Variants in ZCCHC14 observed in about 807,000 individuals in gnomAD.
ZCCHC14 encodes the protein zinc finger CCHC domain-containing protein 14.
In ZCCHC14, 16 loss-of-function variants were observed where a neutral mutation model predicts 85.0. That is an observed-to-expected ratio of 0.19 (90% CI 0.13 to 0.29). The LOEUF is 0.29. Among genes scored for constraint, ZCCHC14 ranks in the 10% least tolerant of loss-of-function variants. The pLI is 1.00. For missense variants in ZCCHC14, 1,303 were observed against 1,443.5 expected, an observed-to-expected ratio of 0.90 and a Z score of 1.58; for synonymous variants, 775 against 630.7, an observed-to-expected ratio of 1.23 and a Z score of -3.43.
At chr16:87,450,461 T>G (rs564066208) in intron 2 of ZCCHC14, among the ~76,000 whole-genome samples, 2 of 152,366 alleles carry the variant, frequency 1.3e-5, no homozygotes, top group Admixed American at 1.3e-4. Context: ...TATTTTTCTT[T>G]GGTTTTTTAT....
intron 2 of ZCCHC14, among the ~76,000 whole-genome samples, chr16:87,444,774 G>A (rs1910353463): frequency 6.6e-6 from 1 of 152,192 alleles, no homozygotes. Flanking sequence ...AGCTACTGAA[G>A]GATACAAAGG....
At chr16:87,433,653 C>G (rs967960021) in intron 2 of ZCCHC14, among the ~76,000 whole-genome samples, 1 of 152,078 alleles carries the variant, frequency 6.6e-6, no homozygotes, top group Non-Finnish European at 1.5e-5. Context: ...GGGGTCTCTT[C>G]TATGTATTTT....
intron 1 of ZCCHC14, among the ~76,000 whole-genome samples, chr16:87,478,471 T>C (rs1912122229): frequency 6.6e-6 from 1 of 152,206 alleles, no homozygotes; most frequent in Non-Finnish European, 1.5e-5. Context: ...ACCAGGAACC[T>C]GGAGTCAGGA....
Position 87,409,971 on chromosome 16 carries a change from G to A in ZCCHC14, c.*309C>T. 1 of 239,006 alleles carries A rather than the reference G, an allele frequency of 4.2e-6. No individual in the cohort carries two copies. The highest frequency in any genetic ancestry group is 8.1e-6 in the Non-Finnish European group (1 of 124,212). The allele number at this position is 239,006 out of a possible 1,614,324, so 14.8% of individuals were successfully genotyped here. ...CTGGAATTGACGTGTGAGCCTAGGA[G>A]GGCCAGTGATGGCAATGCTCTTCGG... On this transcript the variant is annotated 3_prime_UTR_variant, in exon 13 of 13. Transcript: ENST00000671377.
chr16:87,480,074 C>T (rs547905877), intron 1 of ZCCHC14, among the ~76,000 whole-genome samples: 307 of 151,958 alleles, frequency 2.0e-3, no homozygotes, highest in Non-Finnish European at 3.9e-3. Context: ...TGCACCTGGC[C>T]TTGCATGCCA....
chr16:87,457,681 G>C (rs1911042587), intron 2 of ZCCHC14, among the ~76,000 whole-genome samples: 1 of 152,108 alleles, frequency 6.6e-6, no homozygotes, highest in Admixed American at 6.6e-5. Context: ...AACCAAAACA[G>C]AAGTAGGATA....
At chr16:87,438,463 T>C (rs1033560009) in intron 2 of ZCCHC14, among the ~76,000 whole-genome samples, 57 of 152,232 alleles carry the variant, frequency 3.7e-4, no homozygotes, top group African/African-American at 1.3e-3. Flanking sequence ...TTCCAGCCAG[T>C]AGCAACTCAC....
intron 2 of ZCCHC14, among the ~76,000 whole-genome samples, chr16:87,453,307 GA>G (rs1006008077): frequency 6.6e-6 from 1 of 152,168 alleles, no homozygotes; most frequent in Admixed American, 6.5e-5. Flanking sequence ...CGATTCTGGG[GA>G]AAAAAATGTA....
At chr16:87,461,692 T>C (rs1379995308) in intron 1 of ZCCHC14, among the ~76,000 whole-genome samples, 3 of 152,188 alleles carry the variant, frequency 2.0e-5, no homozygotes, top group East Asian at 3.9e-4. Flanking sequence ...AGGATGAAAG[T>C]GGAGGCGGAA....
chr16:87,479,071 T>A (rs1912150288), intron 1 of ZCCHC14, among the ~76,000 whole-genome samples: 1 of 152,168 alleles, frequency 6.6e-6, no homozygotes, highest in African/African-American at 2.4e-5. Context: ...TAGACTATAA[T>A]CCTTCTAGCA....
At chr16:87,438,842 G>C (rs1910054007) in intron 2 of ZCCHC14, among the ~76,000 whole-genome samples, 1 of 152,182 alleles carries the variant, frequency 6.6e-6, no homozygotes, top group Non-Finnish European at 1.5e-5. Flanking sequence ...CCCTACAGTG[G>C]AGTCCCTGAA....
chr16:87,487,693 TGA>T (rs1567547093), intron 1 of ZCCHC14, among the ~76,000 whole-genome samples: 6 of 152,186 alleles, frequency 3.9e-5, no homozygotes, highest in African/African-American at 1.4e-4. Flanking sequence ...CTATTAACCA[TGA>T]AGACAAAAGT....
At chr16:87,478,334 A>C (rs1408126739) in intron 1 of ZCCHC14, among the ~76,000 whole-genome samples, 1 of 152,238 alleles carries the variant, frequency 6.6e-6, no homozygotes, top group Non-Finnish European at 1.5e-5. Context: ...TGCTTAAATG[A>C]AGTTTTAGAA....
intron 2 of ZCCHC14, among the ~76,000 whole-genome samples, chr16:87,457,605 T>C (rs1911039730): frequency 6.6e-6 from 1 of 152,222 alleles, no homozygotes; most frequent in South Asian, 2.1e-4. Context: ...TAAGAAATTT[T>C]TTAAATGTCT....
intron 1 of ZCCHC14, among the ~76,000 whole-genome samples, chr16:87,464,448 C>T (rs1445438154): frequency 2.6e-5 from 4 of 152,204 alleles, no homozygotes; most frequent in African/African-American, 9.7e-5. Context: ...CCGGTCCAAT[C>T]CCGGCAAGGA....
intron 3 of ZCCHC14, among the ~76,000 whole-genome samples, chr16:87,424,464 T>TCC (rs1909265438): frequency 6.6e-6 from 1 of 152,178 alleles, no homozygotes; most frequent in Non-Finnish European, 1.5e-5. Flanking sequence ...AAGGGCTTTC[T>TCC]GGAGGAGATT....
intron 1 of ZCCHC14, among the ~76,000 whole-genome samples, chr16:87,482,143 G>A (rs1017829720): frequency 6.6e-5 from 10 of 152,166 alleles, no homozygotes; most frequent in African/African-American, 2.4e-4. Context: ...AACTTTGGGG[G>A]AAACATGGGA....
intron 2 of ZCCHC14, among the ~76,000 whole-genome samples, chr16:87,456,952 T>G (rs555065812): frequency 2.0e-5 from 3 of 152,350 alleles, no homozygotes; most frequent in Non-Finnish European, 2.9e-5. Context: ...AGTCCAAAGT[T>G]ACAGAACTTA....
At chr16:87,415,690 G>A (rs1414981035) in intron 8 of ZCCHC14, among the ~76,000 whole-genome samples, 3 of 152,188 alleles carry the variant, frequency 2.0e-5, no homozygotes, top group African/African-American at 7.2e-5. Flanking sequence ...CCTCTGCTCT[G>A]TGAGTAAATA....
Sources: allele counts gnomAD v4.1 joint callset (sites outside exome capture counted in the v4.1 genomes callset), GRCh38; gene constraint gnomAD v4.1.1; transcripts MANE v1.5; gene names NCBI Gene and HGNC (gene_info 2026-07-23, HGNC 2026-07-21).